The following ATF2 variants were observed in gnomAD, a reference collection of about 807,000 sequenced individuals.
ATF2 encodes the protein cyclic AMP-dependent transcription factor ATF-2.
Under a neutral mutation model 60.6 loss-of-function variants are expected in ATF2, and 24 were observed. That is an observed-to-expected ratio of 0.40 (90% CI 0.29 to 0.56). The LOEUF is 0.56. ATF2 is among the 20% of genes least tolerant of loss of function. The pLI is 0.54. For synonymous variants in ATF2, 206 were observed against 215.4 expected (o/e 0.96, Z 0.38); for missense variants, 433 against 607.7 (o/e 0.71, Z 3.02).
At chr2:175,164,702 G>T (rs1700238242) in intron 1 of ATF2, among the ~76,000 whole-genome samples, 1 of 151,558 alleles carries the variant, frequency 6.6e-6, no homozygotes, top group South Asian at 2.1e-4. Flanking sequence ...AGAAATAGGT[G>T]AATACTATCC....
chr2:175,141,571 T>A (rs1486022306), intron 2 of ATF2, among the ~76,000 whole-genome samples: 1 of 151,870 alleles, frequency 6.6e-6, no homozygotes, highest in African/African-American at 2.4e-5. Flanking sequence ...CGGTTCACTG[T>A]AAGCTCCATC....
intron 1 of ATF2, among the ~76,000 whole-genome samples, chr2:175,158,769 G>A (rs1398698534): frequency 6.6e-6 from 1 of 151,488 alleles, no homozygotes; most frequent in Non-Finnish European, 1.5e-5. Context: ...ATTTTAAATT[G>A]TATGATTACA....
intron 12 of ATF2, among the ~76,000 whole-genome samples, chr2:175,083,572 A>T (rs1693921646): frequency 6.6e-6 from 1 of 152,234 alleles, no homozygotes. Context: ...ACCATTCAGG[A>T]CATAGGCATG....
intron 1 of ATF2, among the ~76,000 whole-genome samples, chr2:175,155,028 G>A (rs1699584181): frequency 6.6e-6 from 1 of 152,208 alleles, no homozygotes; most frequent in South Asian, 2.1e-4. Context: ...GAGGTGGACA[G>A]TCTTTCAAGG....
chr2:175,074,473 T>C lies in ATF2; in HGVS notation c.*136A>G. 4.3e-6 allele frequency: 5 copies of C among 1,160,210 alleles called. No homozygotes were observed. The highest frequency in any genetic ancestry group is 5.9e-6 in the Non-Finnish European group (5 of 845,282). 71.9% of individuals were successfully genotyped at this position (1,160,210 alleles called of 1,614,324 possible). On this transcript the variant is annotated 3_prime_UTR_variant, in exon 14 of 14. Transcript: ENST00000264110. ...TGATCAACTGCTGCTACACCAACTTTAGAGCCAAATTTAATTTCAAGTAAA... is the reference window on the plus strand; with the variant it reads ...TGATCAACTGCTGCTACACCAACTTCAGAGCCAAATTTAATTTCAAGTAAA...
rs539764385 is a variant in ATF2, at chr2:175,136,164, A to C, written c.32+248T>G. On this transcript the variant is annotated intron_variant, in intron 3 of 13. Coordinates refer to ENST00000264110, the MANE Select transcript of ATF2 (RefSeq NM_001880.4). ...CAGAACATCCCATGGGACTGATAGA[A>C]CTCATTTTAGAGGAAATCAAAACCT... 1.5e-3 allele frequency among the ~76,000 whole-genome samples: 224 copies of C among 151,984 alleles called. 1 individual carries two copies. The highest frequency in any genetic ancestry group is 2.2e-3 in the Non-Finnish European group (151 of 67,926).
At chr2:175,108,310 C>T (rs550413897) in intron 10 of ATF2, among the ~76,000 whole-genome samples, 16 of 151,894 alleles carry the variant, frequency 1.1e-4, no homozygotes, top group Non-Finnish European at 1.9e-4. Flanking sequence ...CCACCCCGTC[C>T]GGGAGGGAGG....
intron 2 of ATF2, among the ~76,000 whole-genome samples, chr2:175,139,680 GAAAA>G (rs1274293672): frequency 7.0e-6 from 1 of 143,400 alleles, no homozygotes; most frequent in Non-Finnish European, 1.5e-5. Flanking sequence ...AAAAAAAAAA[GAAAA>G]GAAAGAAAGA....
Position 175,165,410 on chromosome 2 carries a change from T to C in ATF2, c.-143+2640A>G, listed in dbSNP as rs567846654. On this transcript the variant is annotated intron_variant, in intron 1 of 13. Coordinates refer to ENST00000264110, the MANE Select transcript of ATF2 (RefSeq NM_001880.4). ...ACAAAATTAGTAGAAAAAGCACACA[T>C]TGGTGAGATTGTTTACCTGATCTAA... Among the ~76,000 whole-genome samples the C allele has an allele frequency of 7.2e-5, 11 of 152,310 alleles. No homozygotes were observed. The South Asian group carries it at 2.3e-3, about 32-fold the overall frequency.
intron 10 of ATF2, among the ~76,000 whole-genome samples, chr2:175,108,934 G>C (rs140432850): frequency 6.6e-6 from 1 of 152,066 alleles, no homozygotes. Flanking sequence ...GATTAAGGGC[G>C]GTGCAAGATG....
intron 1 of ATF2, among the ~76,000 whole-genome samples, chr2:175,164,691 T>C (rs1574524281): frequency 6.6e-6 from 1 of 151,904 alleles, no homozygotes; most frequent in East Asian, 1.9e-4. Flanking sequence ...TTCCTTCAAA[T>C]AGAAATAGGT....
intron 13 of ATF2, among the ~76,000 whole-genome samples, chr2:175,078,979 G>T (rs1335469152): frequency 6.6e-6 from 1 of 152,080 alleles, no homozygotes; most frequent in Non-Finnish European, 1.5e-5. Context: ...AATAAAGATA[G>T]GATTATTTCC....
chr2:175,104,658 G>A (rs776018082), intron 10 of ATF2, among the ~76,000 whole-genome samples: 8 of 152,156 alleles, frequency 5.3e-5, no homozygotes, highest in Non-Finnish European at 7.4e-5. Flanking sequence ...ACTGGGATAC[G>A]AACCCATCTT....
At chr2:175,134,076 G>T (rs569713336) in intron 3 of ATF2, among the ~76,000 whole-genome samples, 3 of 152,134 alleles carry the variant, frequency 2.0e-5, no homozygotes, top group African/African-American at 7.2e-5. Flanking sequence ...TATGAGTTTT[G>T]CATCCATGGA....
chr2:175,087,530 C>T (rs978966843), intron 12 of ATF2, among the ~76,000 whole-genome samples: 2 of 152,064 alleles, frequency 1.3e-5, no homozygotes, highest in South Asian at 2.1e-4. Context: ...ACTAATCAAT[C>T]GAAACTTTTA....
rs2302664 is a variant in ATF2 at position 175,074,989 on chromosome 2, G to C, written c.1292-154C>G. ...AGCAATTGATATAGGTCATGAAGTA[G>C]GCAATTTTACCTGCAATAGGTCAAA... On this transcript the variant is annotated intron_variant, in intron 13 of 13. Coordinates refer to ENST00000264110, the MANE Select transcript of ATF2 (RefSeq NM_001880.4). 1,288 of 1,506,418 alleles carry C rather than the reference G, an allele frequency of 8.6e-4. 31 individuals are homozygous for C. In the East Asian group the frequency reaches 0.027, roughly 32 times the overall value. 93.3% of individuals were successfully genotyped at this position (1,506,418 alleles called of 1,614,324 possible). A position where few individuals can be genotyped will look rare whatever the true frequency, so the allele number is the denominator to read the frequency against.
At chr2:175,108,679 C>T (rs565772118) in intron 10 of ATF2, among the ~76,000 whole-genome samples, 1 of 152,294 alleles carries the variant, frequency 6.6e-6, no homozygotes, top group East Asian at 1.9e-4. Context: ...GGAGGTGTAC[C>T]CAACAGCTCA....
chr2:175,108,030 C>G (rs1472728686), intron 10 of ATF2, among the ~76,000 whole-genome samples: 1 of 151,964 alleles, frequency 6.6e-6, no homozygotes. Flanking sequence ...GGCCGCCCAT[C>G]GTCTGGGATG....
chr2:175,161,506 T>C (rs185256297), intron 1 of ATF2, among the ~76,000 whole-genome samples: 48 of 152,344 alleles, frequency 3.2e-4, no homozygotes, highest in African/African-American at 1.2e-3. Flanking sequence ...AGAGGTTATA[T>C]AATTTACTCA....
Sources: allele counts gnomAD v4.1 joint callset (sites outside exome capture counted in the v4.1 genomes callset), GRCh38; gene constraint gnomAD v4.1.1; transcripts MANE v1.5; gene names NCBI Gene and HGNC (gene_info 2026-07-23, HGNC 2026-07-21).